The following PCF11 variants were observed in gnomAD, a reference collection of about 807,000 sequenced individuals.
PCF11 encodes the protein PCF11 cleavage and polyadenylation factor subunit, also known as pre-mRNA cleavage complex 2 protein Pcf11.
A neutral mutation model predicts 166.1 loss-of-function variants in PCF11; 19 were observed. The ratio of observed to expected loss-of-function variants is 0.11; its 90% confidence interval spans 0.08 to 0.17. PCF11 has a LOEUF of 0.17. PCF11 is among the 10% of genes least tolerant of loss of function. The pLI, the probability that PCF11 is intolerant of heterozygous loss-of-function variation, is 1.00. For missense variants in PCF11, 1,565 were observed against 1,855.5 expected (o/e 0.84, Z 2.88); for synonymous variants, 663 against 644.1 (o/e 1.03, Z -0.44).
intron 8 of PCF11, 136 bp from the exon 9 acceptor site, chr11:83,171,682 G>A (rs1192504744): frequency 4.9e-5 from 32 of 659,112 alleles, no homozygotes; most frequent in Non-Finnish European, 6.7e-5. Flanking sequence ...AAGTGATGCA[G>A]CCAAGTTATC....
chr11:83,173,719 CTTTTTTTTTTTTTT>C lies in PCF11; in HGVS notation c.3757+1820_3757+1833del, dbSNP rs869126679. ...AATTTTCTTGTTTCTTTCTTTCTTT[CTTTTTTTTTTTTTT>C]TTTTTTTTTTTTTTGAGACGAGTCT... On this transcript the variant is annotated intron_variant, in intron 9 of 15. Transcript: ENST00000298281. Among the ~76,000 whole-genome samples the C allele has an allele frequency of 1.0e-2, 590 of 59,118 alleles. 1 individual carries two copies. Among genetic ancestry groups the C allele is most frequent in the South Asian group, 0.031 (40 of 1,288 alleles). The allele number at this position is 59,118 out of a possible 152,430, so 38.8% of individuals were successfully genotyped here. A position where few individuals can be genotyped will look rare whatever the true frequency, so the allele number is the denominator to read the frequency against.
At position 83,167,512 on chromosome 11, in the gene PCF11, A is replaced by G; in HGVS notation, c.2092+7A>G. ...CTATTTCAGTATCAAGAAGGTAAAC[A>G]TAGATGCAATGTACGGGATAGTCCT... On this transcript the variant is annotated splice_region_variant and intron_variant, in intron 7 of 15. Coordinates refer to ENST00000298281, the Ensembl canonical transcript of PCF11. The surrounding 1 kb of genome is among the most constrained non-coding windows in gnomAD (Gnocchi z 4.2). The G allele has an allele frequency of 2.5e-6, 4 of 1,610,940 alleles. No individual in the cohort carries two copies. Among genetic ancestry groups the G allele is most frequent in the South Asian group, 1.1e-5 (1 of 90,434 alleles).
rs1335164847 is a variant in PCF11 at position 83,164,503 on chromosome 11, G to T, written c.702+102G>T. ...TATTAACATGTTACTTTTATTAATAGTGTACTCTTTTTTCACTTTTATTTT... is the reference window on the plus strand; with the variant it reads ...TATTAACATGTTACTTTTATTAATATTGTACTCTTTTTTCACTTTTATTTT... On this transcript the variant is annotated intron_variant, in intron 4 of 15. Transcript: ENST00000298281. 4 of 788,292 alleles carry T rather than the reference G, an allele frequency of 5.1e-6. No individual in the cohort carries two copies. The Admixed American group carries it at 1.2e-4, about 23-fold the overall frequency. The allele number at this position is 788,292 out of a possible 1,614,324, so 48.8% of individuals were successfully genotyped here. A position where few individuals can be genotyped will look rare whatever the true frequency, so the allele number is the denominator to read the frequency against.
exon 11 of PCF11, chr11:83,177,747 A>G: frequency 6.5e-7 from 1 of 1,542,796 alleles, no homozygotes; most frequent in Non-Finnish European, 8.8e-7. Context: ...CCTCCCCCTG[A>G]AGAGGAGGAA....
exon 12 of PCF11, chr11:83,181,188 A>G (rs1791170872): frequency 6.3e-7 from 1 of 1,577,576 alleles, no homozygotes; most frequent in Admixed American, 1.7e-5. Context: ...ACTACAGTTT[A>G]ACAGTAAGTA....
Position 83,167,600 on chromosome 11 carries a change from C to T in PCF11, c.2092+95C>T. 6.5e-7 allele frequency: 1 copy of T among 1,544,164 alleles called. No individual in the cohort carries two copies. The highest frequency in any genetic ancestry group is 1.4e-5 in the African/African-American group (1 of 73,146). On this transcript the variant is annotated intron_variant, in intron 7 of 15. Transcript: ENST00000298281. This position sits in a 1 kb window ranked among gnomAD's most constrained non-coding sequence, Gnocchi z 4.2. ...TCTTATCTGATGCTGAATTAACCTA[C>T]TATGAACATAAAGCAAAACTGAAAA... is the stretch of plus-strand genomic sequence containing the variant.
chr11:83,171,666 G>A (rs773052308), intron 8 of PCF11, among the ~76,000 whole-genome samples, 152 bp from the exon 9 acceptor site: 1 of 152,176 alleles, frequency 6.6e-6, no homozygotes, highest in Non-Finnish European at 1.5e-5. Flanking sequence ...AGAAGACCTA[G>A]AAGTGAAGTG....
rs1286360322 is a variant in PCF11 at position 83,166,242 on chromosome 11, A to G, written c.1345A>G (p.Ile449Val). The G allele has an allele frequency of 1.9e-6, 3 of 1,613,524 alleles. No individual in the cohort carries two copies. In the East Asian group the frequency reaches 6.7e-5, roughly 36 times the overall value. ...CAGACTGGCTGGAAGTAGAAATAAA[A>G]TCATAAATGGCATTGTACAAAAACA... Residue 449 changes from isoleucine to valine, a missense_variant, in exon 5 of 16, where the codon ATC (isoleucine) becomes GTC (valine). Physicochemically the swap from Ile to Val is conservative, Grantham distance 29 (BLOSUM62 3). Transcript: ENST00000298281.
chr11:83,157,427 G>T (rs1176400713), exon 1 of PCF11: 2 of 1,604,174 alleles, frequency 1.2e-6, no homozygotes, highest in South Asian at 2.2e-5. Context: ...CCTCGGAGGG[G>T]GGCCGCGGCG....
chr11:83,182,366 A>C (rs1197787187), intron 13 of PCF11, 33 bp from the exon 14 acceptor site: 6 of 1,084,782 alleles, frequency 5.5e-6, no homozygotes. Context: ...ATGGTCTATT[A>C]TGTAAATTTC....
At chr11:83,177,476 GT>G in intron 10 of PCF11, among the ~76,000 whole-genome samples, 1 of 152,238 alleles carries the variant, frequency 6.6e-6, no homozygotes. Flanking sequence ...TTTTGAAAAG[GT>G]TTTGAATATT....
exon 16 of PCF11, chr11:83,186,544 T>TA (rs1445188204): frequency 6.6e-6 from 1 of 152,182 alleles, no homozygotes; most frequent in African/African-American, 2.4e-5. Context: ...CCTTTATTTT[T>TA]AAGTAGTGAA....
At chr11:83,181,766 C>T (rs1861095315) in intron 12 of PCF11, 88 bp from the exon 13 acceptor site, 1 of 822,578 alleles carries the variant, frequency 1.2e-6, no homozygotes. Flanking sequence ...ATAGTATACC[C>T]CTACCTTTAA....
chr11:83,157,795 A>G (rs1411070124), intron 1 of PCF11, 164 bp downstream of exon 1: 3 of 644,022 alleles, frequency 4.7e-6, no homozygotes, highest in Non-Finnish European at 5.4e-6. Context: ...GGCTTCGAGC[A>G]TGGGCCTCTG....
At chr11:83,171,386 C>G in intron 8 of PCF11, 1 of 418,996 alleles carries the variant, frequency 2.4e-6, no homozygotes, top group East Asian at 7.0e-5. Context: ...TTGCTCCTAA[C>G]TAGCCCTTGT....
In PCF11 at chr11:83,177,082, T is replaced by C. The variant is rs1860911858; in HGVS notation, c.3758-3T>C. On this transcript the variant is annotated splice_polypyrimidine_tract_variant and splice_region_variant and intron_variant, in intron 9 of 15. Coordinates refer to ENST00000298281, the Ensembl canonical transcript of PCF11. ...TTTTTTCTTTCTTTCTTTTTTTTGT[T>C]AGGAGCCCTCCCTAAGGCATATCCT... 6.8e-7 allele frequency: 1 copy of C among 1,471,898 alleles called. No homozygotes were observed. The highest frequency in any genetic ancestry group is 9.0e-7 in the Non-Finnish European group (1 of 1,111,052). The allele number at this position is 1,471,898 out of a possible 1,614,324, so 91.2% of individuals were successfully genotyped here.
chr11:83,173,707 C>G (rs1390203811), intron 9 of PCF11, among the ~76,000 whole-genome samples: 3 of 69,992 alleles, frequency 4.3e-5, no homozygotes, highest in Non-Finnish European at 9.1e-5. Flanking sequence ...TTTCTTGTTT[C>G]TTTCTTTCTT....
intron 3 of PCF11, 119 bp downstream of exon 3, chr11:83,163,986 GA>G (rs765437807): frequency 0.093 from 35,661 of 385,216 alleles, no homozygotes; most frequent in East Asian, 0.12. Flanking sequence ...GGTTCAATTT[GA>G]AAAAAAAAAA....
intron 8 of PCF11, 25 bp downstream of exon 8, chr11:83,170,020 G>A (rs562885423): frequency 4.3e-5 from 65 of 1,526,440 alleles, no homozygotes; most frequent in African/African-American, 1.9e-4. Flanking sequence ...CTAAAATTGC[G>A]TTGTATGCAG....
Sources: gnomAD v4.1 joint callset for allele counts (sites outside exome capture counted in the v4.1 genomes callset) on GRCh38, gnomAD v4.1.1 for gene constraint, Gnocchi (gnomAD v3.1) non-coding constraint, MANE v1.5 for transcripts, NCBI Gene and HGNC (gene_info 2026-07-23, HGNC 2026-07-21) for gene names.